The following ERC1 variants were observed in gnomAD, a reference collection of about 807,000 sequenced individuals.
ERC1 encodes the protein RAB6 interacting protein 2.
ERC1 carries 56 observed loss-of-function variants against 132.0 expected under a neutral mutation model. The ratio of observed to expected loss-of-function variants is 0.42; its 90% CI spans 0.34 to 0.53. The LOEUF is 0.53. ERC1 is among the 20% of genes least tolerant of loss of function. ERC1 has a pLI of 0.03. For synonymous variants in ERC1, 478 were observed against 476.1 expected (o/e 1.00, Z -0.05); for missense variants, 1,202 against 1,349.9 (o/e 0.89, Z 1.72).
At chr12:1,254,222 A>G (rs1478810296) in intron 13 of ERC1, among the ~76,000 whole-genome samples, 1 of 152,172 alleles carries the variant, frequency 6.6e-6, no homozygotes, top group Non-Finnish European at 1.5e-5. Context: ...CTATCTCTAG[A>G]TAGCTATTAA....
At chr12:1,375,441 G>T (rs1028783539) in intron 16 of ERC1, among the ~76,000 whole-genome samples, 2 of 152,168 alleles carry the variant, frequency 1.3e-5, no homozygotes, top group African/African-American at 4.8e-5. Flanking sequence ...TTTGGGTGGG[G>T]ACGCAGAGCC....
intron 2 of ERC1, among the ~76,000 whole-genome samples, chr12:1,064,616 A>C (rs895649276): frequency 2.0e-5 from 3 of 151,806 alleles, no homozygotes; most frequent in Non-Finnish European, 4.4e-5. Context: ...CTTGTGTCAA[A>C]CTCCTGGCCT....
chr12:1,066,200 GT>G (rs1939152481), intron 2 of ERC1, among the ~76,000 whole-genome samples: 1 of 152,168 alleles, frequency 6.6e-6, no homozygotes, highest in African/African-American at 2.4e-5. Context: ...TTTTTTAAAA[GT>G]TTTATGAACA....
intron 14 of ERC1, among the ~76,000 whole-genome samples, chr12:1,274,291 TGA>T (rs1400830428): frequency 6.6e-6 from 1 of 152,154 alleles, no homozygotes; most frequent in Non-Finnish European, 1.5e-5. Flanking sequence ...CTGAACCAAA[TGA>T]GTATGGTCCT....
At chr12:1,114,749 T>C (rs1398820988) in intron 6 of ERC1, among the ~76,000 whole-genome samples, 3 of 152,246 alleles carry the variant, frequency 2.0e-5, no homozygotes, top group African/African-American at 7.2e-5. Context: ...CCTCAGGTAC[T>C]TTGTATACAA....
intron 12 of ERC1, among the ~76,000 whole-genome samples, chr12:1,225,495 G>A (rs2074509288): frequency 7.5e-6 from 1 of 133,488 alleles, no homozygotes. Flanking sequence ...CACACACACG[G>A]AGTGGTTGAT....
upstream of ERC1, chr12:990,650 G>C (rs1459022647): frequency 5.3e-5 from 8 of 152,208 alleles, no homozygotes; most frequent in Admixed American, 5.2e-4. Context: ...CACTAATTTC[G>C]CGGCCGCGTT....
At chr12:1,472,697 A>C (rs80255355) in intron 18 of ERC1, among the ~76,000 whole-genome samples, 3,603 of 151,898 alleles carry the variant, frequency 0.024, 131 homozygotes, top group African/African-American at 0.083. Flanking sequence ...GGAGAAAGAA[A>C]AGGAAAAAAG....
At position 1,456,283 on chromosome 12, in the gene ERC1, G is replaced by A. The variant is rs1266158098; in HGVS notation, c.3213+11533G>A. The stretch of plus-strand genomic sequence containing the variant: ...CAAAGTCAGATAGTCTGATTAAATA[G>A]ATTTGGTTTTGGCTAACTATATGTA... On this transcript the variant is annotated intron_variant, in intron 18 of 18. Coordinates refer to ENST00000360905, the MANE Select transcript of ERC1 (RefSeq NM_178040.4). Among the ~76,000 whole-genome samples, 2 of 152,180 alleles carry A rather than the reference G, an allele frequency of 1.3e-5. 1 individual carries two copies. The highest frequency in any genetic ancestry group is 3.8e-4 in the East Asian group (2 of 5,198).
chr12:1,296,044 A>G (rs1466650008), intron 15 of ERC1, among the ~76,000 whole-genome samples: 1 of 150,724 alleles, frequency 6.6e-6, no homozygotes, highest in Non-Finnish European at 1.5e-5. Context: ...ATTCACCCTT[A>G]TACATTAAAG....
intron 15 of ERC1, among the ~76,000 whole-genome samples, chr12:1,336,045 A>G (rs539591332): frequency 2.0e-5 from 3 of 152,192 alleles, no homozygotes; most frequent in African/African-American, 7.2e-5. Context: ...CCTAGTTTAC[A>G]TGCATAAAGT....
intron 12 of ERC1, among the ~76,000 whole-genome samples, chr12:1,219,132 C>T (rs958356870): frequency 1.3e-5 from 2 of 152,080 alleles, no homozygotes; most frequent in Non-Finnish European, 2.9e-5. Context: ...CTTGGCCTCC[C>T]AAAGTGCTGG....
chr12:1,249,191 T>C lies in ERC1; in HGVS notation c.2487+12287T>C, dbSNP rs146671812. 1.1e-3 allele frequency among the ~76,000 whole-genome samples: 163 copies of C among 152,318 alleles called. 1 individual carries two copies. The East Asian group carries it at 0.025, about 23-fold the overall frequency. On this transcript the variant is annotated intron_variant, in intron 13 of 18. Coordinates refer to ENST00000360905, the MANE Select transcript of ERC1 (RefSeq NM_178040.4). ...TACTTTACATTACTTATTATAACTT[T>C]TTATTTCTGCTGGCTGTCAAAAGAT...
chr12:1,283,384 A>T (rs1397867683), intron 14 of ERC1, among the ~76,000 whole-genome samples: 1 of 152,204 alleles, frequency 6.6e-6, no homozygotes, highest in Non-Finnish European at 1.5e-5. Context: ...TCTTCTACTC[A>T]TCGGTCTTTA....
chr12:1,357,336 C>G (rs1595208649), intron 15 of ERC1, among the ~76,000 whole-genome samples: 2 of 152,164 alleles, frequency 1.3e-5, no homozygotes, highest in Admixed American at 1.3e-4. Context: ...AGCAAGCCCC[C>G]TCGGTAGCAC....
intron 6 of ERC1, 62 bp downstream of exon 6, chr12:1,112,360 C>G (rs1250535296): frequency 5.0e-6 from 6 of 1,211,340 alleles, no homozygotes; most frequent in South Asian, 3.6e-5. Flanking sequence ...CCTGCTAGCT[C>G]TATGGCTTCT....
At chr12:1,306,612 A>G (rs765834926) in intron 15 of ERC1, among the ~76,000 whole-genome samples, 9 of 152,212 alleles carry the variant, frequency 5.9e-5, no homozygotes, top group Non-Finnish European at 1.2e-4. Context: ...TATGTTATTA[A>G]GTAGATGCTG....
intron 16 of ERC1, among the ~76,000 whole-genome samples, chr12:1,393,083 A>G (rs2090116539): frequency 6.6e-6 from 1 of 152,236 alleles, no homozygotes; most frequent in African/African-American, 2.4e-5. Flanking sequence ...AAATGCCTTT[A>G]TATCCTCTGG....
At chr12:998,824 T>G (rs969542779) in intron 1 of ERC1, among the ~76,000 whole-genome samples, 1 of 151,700 alleles carries the variant, frequency 6.6e-6, no homozygotes, top group Non-Finnish European at 1.5e-5. Context: ...CTGTTTTTCT[T>G]GCTGGTTCTC....
Sources: gnomAD v4.1 joint callset for allele counts (sites outside exome capture counted in the v4.1 genomes callset) on GRCh38, gnomAD v4.1.1 for gene constraint, MANE v1.5 for transcripts, NCBI Gene and HGNC (gene_info 2026-07-23, HGNC 2026-07-21) for gene names.